Variants in SASH1 observed in about 807,000 individuals in gnomAD.
SASH1 encodes SAM and SH3 domain-containing protein 1.
In SASH1, 44 loss-of-function variants were observed where a neutral mutation model predicts 125.2. The observed-to-expected ratio is 0.35, with a 90% CI of 0.28 to 0.45. SASH1 has a LOEUF of 0.45. Among genes scored for constraint, SASH1 ranks in the 20% least tolerant of loss-of-function variants. The pLI, the probability that SASH1 is intolerant of heterozygous loss-of-function variation, is 1.00. For synonymous variants in SASH1, 639 were observed against 649.1 expected, an observed-to-expected ratio of 0.98 and a Z score of 0.24; for missense variants, 1,426 against 1,614.5, an observed-to-expected ratio of 0.88 and a Z score of 2.00.
chr6:148,389,469 G>T (rs991995323), intron 1 of SASH1, among the ~76,000 whole-genome samples: 6 of 152,216 alleles, frequency 3.9e-5, no homozygotes, highest in Non-Finnish European at 8.8e-5. Flanking sequence ...AGTGAATAAT[G>T]AGTCTAATGA....
chr6:148,265,323 G>A, the SASH1 span, among the ~76,000 whole-genome samples: 1 of 143,016 alleles, frequency 7.0e-6, no homozygotes, highest in South Asian at 2.3e-4. Flanking sequence ...AGAAAAAGGA[G>A]GGAGGGAAGG....
At chr6:148,537,158 G>T (rs936064017) in intron 16 of SASH1, among the ~76,000 whole-genome samples, 1 of 152,178 alleles carries the variant, frequency 6.6e-6, no homozygotes, top group African/African-American at 2.4e-5. Context: ...AGATGCAGAG[G>T]TCTATTGAGA....
At position 148,459,013 on chromosome 6, in the gene SASH1, CA is replaced by C. The variant is rs1409419827; in HGVS notation, c.387-9531del. On this transcript the variant is annotated intron_variant, in intron 4 of 19. Coordinates refer to ENST00000367467, the MANE Select transcript of SASH1 (RefSeq NM_015278.5). ...ACACACACACACACACACACACACACACACACACACCCTCTAGCATATGTCA... is the reference window on the plus strand; with the variant it reads ...ACACACACACACACACACACACACACCACACACACCCTCTAGCATATGTCA... Among the ~76,000 whole-genome samples, 27 of 150,816 alleles carry C rather than the reference CA, an allele frequency of 1.8e-4. No individual in the cohort carries two copies. In the East Asian group the frequency reaches 4.9e-3, roughly 27 times the overall value.
At position 148,544,112 on chromosome 6, in the gene SASH1, C is replaced by A. The variant is rs139892427; in HGVS notation, c.2642C>A (p.Pro881His). The A allele has an allele frequency of 6.2e-7, 1 of 1,614,050 alleles. No individual in the cohort carries two copies. ...KTTASSTKAQ[P>H]LEQDSAVDNA... Reference sequence around the variant, plus strand: ...ACCGCCTCTTCCACGAAGGCCCAGCCCCTGGAGCAAGACTCTGCTGTCGAC... The same window carrying A: ...ACCGCCTCTTCCACGAAGGCCCAGCACCTGGAGCAAGACTCTGCTGTCGAC... The change falls in exon 18 of 20, where the codon CCC (proline) becomes CAC (histidine). Residue 881 changes from proline to histidine, a missense_variant. Pro to His is a moderately conservative substitution (Grantham distance 77). Around this residue, in one of 3 missense-constraint regions of SASH1, gnomAD observed 634 missense variants for 694.4 expected, o/e 0.91. Coordinates refer to ENST00000367467, the MANE Select transcript of SASH1 (RefSeq NM_015278.5). This position sits in a 1 kb window ranked among gnomAD's most constrained non-coding sequence, Gnocchi z 6.4.
chr6:148,209,737 C>A, the SASH1 span, among the ~76,000 whole-genome samples: 2 of 152,266 alleles, frequency 1.3e-5, no homozygotes, highest in South Asian at 4.2e-4. Context: ...GCTCCTCAAC[C>A]CGTATGCCTC....
the SASH1 span, among the ~76,000 whole-genome samples, chr6:148,195,131 A>C: frequency 6.6e-6 from 1 of 152,268 alleles, no homozygotes; most frequent in Admixed American, 6.5e-5. Context: ...CTTAGCAAGC[A>C]CATCAATATA....
the SASH1 span, among the ~76,000 whole-genome samples, chr6:148,202,341 G>A: frequency 3.3e-5 from 5 of 152,230 alleles, no homozygotes; most frequent in Non-Finnish European, 5.9e-5. Context: ...CTGGTTCCAC[G>A]TTAAAAGAGC....
At chr6:148,214,752 G>A in the SASH1 span, among the ~76,000 whole-genome samples, 1 of 152,132 alleles carries the variant, frequency 6.6e-6, no homozygotes, top group Non-Finnish European at 1.5e-5. Flanking sequence ...AGGGAGCGGG[G>A]AGGAAAGTCT....
At chr6:148,442,215 T>A (rs1257088632) in intron 4 of SASH1, among the ~76,000 whole-genome samples, 3 of 152,014 alleles carry the variant, frequency 2.0e-5, no homozygotes, top group African/African-American at 7.2e-5. Flanking sequence ...AGTAAGACCC[T>A]GTCTGATCCA....
intron 4 of SASH1, among the ~76,000 whole-genome samples, chr6:148,448,004 T>C (rs1359365440): frequency 1.3e-5 from 2 of 152,228 alleles, no homozygotes; most frequent in Admixed American, 6.5e-5. Context: ...ACCTCAGCTC[T>C]GGGGTTGGCC....
intron 1 of SASH1, among the ~76,000 whole-genome samples, chr6:148,273,259 C>T (rs996348449): frequency 2.7e-5 from 4 of 150,252 alleles, no homozygotes; most frequent in African/African-American, 9.8e-5. Flanking sequence ...GATCTTGTCT[C>T]TTCTTTTCTT....
intron 1 of SASH1, among the ~76,000 whole-genome samples, chr6:148,367,466 G>A (rs932235188): frequency 6.6e-6 from 1 of 152,194 alleles, no homozygotes; most frequent in Admixed American, 6.5e-5. Context: ...CAGGTCTGCA[G>A]GGAAACAGAA....
At chr6:148,478,840 C>G (rs1313976600) in intron 7 of SASH1, 1 of 158,572 alleles carries the variant, frequency 6.3e-6, no homozygotes, top group Non-Finnish European at 1.4e-5. Context: ...AACCACCTGG[C>G]CTAGCTGCCA....
chr6:148,375,884 A>G (rs375027355), intron 1 of SASH1, among the ~76,000 whole-genome samples: 18 of 152,166 alleles, frequency 1.2e-4, no homozygotes, highest in African/African-American at 3.9e-4. Flanking sequence ...GAGTCCCTGA[A>G]TGGCATCCTT....
intron 4 of SASH1, among the ~76,000 whole-genome samples, chr6:148,443,592 A>G (rs533599599): frequency 7.6e-6 from 1 of 132,294 alleles, no homozygotes; most frequent in Admixed American, 7.8e-5. Context: ...TTGGTTTTAG[A>G]TTCTTTCCAT....
At position 148,550,531 on chromosome 6, in the gene SASH1, T is replaced by A. The variant is rs1021552927; in HGVS notation, c.*1973T>A. On this transcript the variant is annotated 3_prime_UTR_variant, in exon 20 of 20. Coordinates refer to ENST00000367467, the MANE Select transcript of SASH1 (RefSeq NM_015278.5). ...TAATGCATGTTTCTTTAATAATTAA[T>A]TTTCATCTTCTATAAGATGCCATGT... 1 of 152,264 alleles carries A rather than the reference T, an allele frequency of 6.6e-6. No homozygotes were observed. The highest frequency in any genetic ancestry group is 2.4e-5 in the African/African-American group (1 of 41,472). The allele number at this position is 152,264 out of a possible 1,614,324, so 9.4% of individuals were successfully genotyped here.
intron 10 of SASH1, 132 bp downstream of exon 10, chr6:148,520,025 C>T: frequency 1.5e-6 from 1 of 653,108 alleles, no homozygotes. Flanking sequence ...ATTCCTGTTC[C>T]AGAGCTTTTC....
At chr6:148,344,187 A>C in intron 1 of SASH1, among the ~76,000 whole-genome samples, 1 of 152,232 alleles carries the variant, frequency 6.6e-6, no homozygotes, top group Non-Finnish European at 1.5e-5. Flanking sequence ...GTCAAATGCC[A>C]GCTCTCCAAT....
At chr6:148,484,921 C>T (rs1035142562) in intron 7 of SASH1, among the ~76,000 whole-genome samples, 2 of 152,138 alleles carry the variant, frequency 1.3e-5, no homozygotes, top group African/African-American at 4.8e-5. Context: ...CCAGCCTGGA[C>T]AACAGAGCGA....
Sources: gnomAD v4.1 joint callset for allele counts (sites outside exome capture counted in the v4.1 genomes callset) on GRCh38, gnomAD v4.1.1 for gene constraint, gnomAD v4.1.1 regional missense constraint, Gnocchi (gnomAD v3.1) non-coding constraint, MANE v1.5 for transcripts, NCBI Gene and HGNC (gene_info 2026-07-23, HGNC 2026-07-21) for gene names.